Variants in GRM5 observed in about 807,000 individuals in gnomAD.
GRM5 encodes metabotropic glutamate receptor 5.
Under a neutral mutation model 83.1 loss-of-function variants are expected in GRM5, and 19 were observed. The ratio of observed to expected loss-of-function variants is 0.23; its 90% CI spans 0.16 to 0.34. The LOEUF (loss-of-function observed/expected upper bound fraction) is 0.34, where lower values mean the gene tolerates loss of function less well. Among genes scored for constraint, GRM5 ranks in the 10% least tolerant of loss-of-function variants. The pLI is 1.00. For missense variants in GRM5, 1,160 were observed against 1,588.3 expected (o/e 0.73, Z 4.58); for synonymous variants, 675 against 633.6 (o/e 1.07, Z -0.98).
At chr11:88,848,377 G>C (rs1944333206) in intron 3 of GRM5, among the ~76,000 whole-genome samples, 1 of 152,182 alleles carries the variant, frequency 6.6e-6, no homozygotes, top group South Asian at 2.1e-4. Flanking sequence ...GTCATAAAAT[G>C]TATCCCAGCT....
At chr11:88,875,935 T>C (rs1317889653) in intron 2 of GRM5, among the ~76,000 whole-genome samples, 1 of 152,074 alleles carries the variant, frequency 6.6e-6, no homozygotes, top group African/African-American at 2.4e-5. Context: ...AGATTTAGCA[T>C]AGCTCTTAAG....
intron 2 of GRM5, among the ~76,000 whole-genome samples, chr11:88,908,489 A>G (rs894152357): frequency 6.6e-6 from 1 of 152,094 alleles, no homozygotes; most frequent in African/African-American, 2.4e-5. Context: ...CCCCCAGAAT[A>G]TATCTTTCTA....
At chr11:88,544,080 C>T (rs1469522107) in intron 8 of GRM5, among the ~76,000 whole-genome samples, 2 of 151,946 alleles carry the variant, frequency 1.3e-5, no homozygotes, top group Non-Finnish European at 2.9e-5. Context: ...CTCTCTCACA[C>T]ACACACATAC....
chr11:88,551,577 C>G (rs1411529891), intron 8 of GRM5, among the ~76,000 whole-genome samples: 4 of 152,128 alleles, frequency 2.6e-5, no homozygotes, highest in African/African-American at 9.7e-5. Flanking sequence ...TTCTTATTCA[C>G]AAGGTCAAGC....
intron 2 of GRM5, among the ~76,000 whole-genome samples, chr11:88,970,240 T>G (rs1362397107): frequency 6.6e-6 from 1 of 152,134 alleles, no homozygotes; most frequent in Non-Finnish European, 1.5e-5. Context: ...AATGGATGCT[T>G]TTTTCTCACC....
chr11:88,878,195 A>G (rs1189451364), intron 2 of GRM5, among the ~76,000 whole-genome samples: 1 of 152,166 alleles, frequency 6.6e-6, no homozygotes, highest in South Asian at 2.1e-4. Flanking sequence ...GTTCTTCGAT[A>G]GGTGAATTAT....
At chr11:89,013,783 T>C (rs1940773820) in intron 2 of GRM5, among the ~76,000 whole-genome samples, 1 of 152,190 alleles carries the variant, frequency 6.6e-6, no homozygotes, top group South Asian at 2.1e-4. Context: ...ACCTCTTCTG[T>C]GATCCCTTAA....
At chr11:88,853,770 A>T (rs1489672741) in intron 2 of GRM5, among the ~76,000 whole-genome samples, 1 of 151,800 alleles carries the variant, frequency 6.6e-6, no homozygotes, top group African/African-American at 2.4e-5. Flanking sequence ...ATAATTTTTA[A>T]AGTAATTGTC....
At chr11:88,598,729 C>G (rs1591372910) in intron 5 of GRM5, among the ~76,000 whole-genome samples, 1 of 152,214 alleles carries the variant, frequency 6.6e-6, no homozygotes, top group Non-Finnish European at 1.5e-5. Context: ...CAAAGGGTGA[C>G]TTTCTATGAG....
intron 3 of GRM5, among the ~76,000 whole-genome samples, chr11:88,798,843 A>C (rs3862370): frequency 0.24 from 34,891 of 146,960 alleles, 4,725 homozygotes; most frequent in Non-Finnish European, 0.33. Context: ...ACAACAACAA[A>C]AAAAAACTGC....
intron 4 of GRM5, among the ~76,000 whole-genome samples, chr11:88,634,161 T>C (rs1939055504): frequency 6.6e-6 from 1 of 152,194 alleles, no homozygotes; most frequent in Non-Finnish European, 1.5e-5. Flanking sequence ...CTTGCAGGAC[T>C]GGAAGTTGTT....
chr11:88,574,985 C>CTTT (rs796257304), intron 7 of GRM5, among the ~76,000 whole-genome samples: 49 of 116,158 alleles, frequency 4.2e-4, no homozygotes, highest in Non-Finnish European at 7.5e-4. Flanking sequence ...CTTTTCTTTT[C>CTTT]TTTTTTTTTT....
chr11:89,037,767 T>C (rs1941426595), intron 2 of GRM5, among the ~76,000 whole-genome samples: 1 of 152,132 alleles, frequency 6.6e-6, no homozygotes, highest in Non-Finnish European at 1.5e-5. Flanking sequence ...ATAAATTAAA[T>C]GACATTGTCA....
rs185582163 is a variant in GRM5 at position 88,924,108 on chromosome 11, C to G, written c.662-73953G>C. Among the ~76,000 whole-genome samples the G allele has an allele frequency of 2.7e-5, 4 of 146,644 alleles. No homozygotes were observed. In the East Asian group the frequency reaches 6.1e-4, roughly 22 times the overall value. On this transcript the variant is annotated intron_variant, in intron 2 of 9. Transcript: ENST00000305447. The stretch of plus-strand genomic sequence containing the variant: ...AATCAAAGCCACAGTGAGATATCAC[C>G]TCACACCTGTTAGTATAGCTATAAT...
intron 7 of GRM5, 151 bp from the exon 8 acceptor site, chr11:88,568,143 G>T: frequency 1.7e-6 from 1 of 601,254 alleles, no homozygotes; most frequent in South Asian, 2.1e-5. Flanking sequence ...ATTGTTTCAT[G>T]TATTCATTCA....
intron 3 of GRM5, among the ~76,000 whole-genome samples, chr11:88,722,710 T>G (rs575921362): frequency 1.2e-4 from 19 of 152,298 alleles, no homozygotes; most frequent in African/African-American, 4.6e-4. Flanking sequence ...AATAAGTAGA[T>G]TTTAATTTTT....
intron 2 of GRM5, among the ~76,000 whole-genome samples, chr11:88,893,106 C>T (rs1300848866): frequency 6.7e-6 from 1 of 148,688 alleles, no homozygotes; most frequent in Admixed American, 6.8e-5. Context: ...TAGTATTTTG[C>T]TTAATTATTA....
At chr11:88,988,120 T>C in intron 2 of GRM5, among the ~76,000 whole-genome samples, 1 of 148,828 alleles carries the variant, frequency 6.7e-6, no homozygotes, top group African/African-American at 2.5e-5. Flanking sequence ...GAAAAAAATT[T>C]AGAAGAATGT....
chr11:88,804,153 A>C (rs1272289027), intron 3 of GRM5, among the ~76,000 whole-genome samples: 1 of 151,786 alleles, frequency 6.6e-6, no homozygotes, highest in Admixed American at 6.5e-5. Context: ...CTAGAACTAG[A>C]AATACCATTT....
Sources: allele counts gnomAD v4.1 joint callset (sites outside exome capture counted in the v4.1 genomes callset), GRCh38; gene constraint gnomAD v4.1.1; transcripts MANE v1.5; gene names NCBI Gene and HGNC (gene_info 2026-07-23, HGNC 2026-07-21).